Variants in YAF2 observed in about 807,000 individuals in gnomAD.
YAF2 encodes YY1 associated factor 2.
YAF2 carries 7 observed loss-of-function variants against 20.1 expected under a neutral mutation model. The ratio of observed to expected loss-of-function variants is 0.35; its 90% CI spans 0.20 to 0.65. The LOEUF (loss-of-function observed/expected upper bound fraction) is 0.65, where lower values mean the gene tolerates loss of function less well. Ranked by LOEUF, YAF2 falls within the 30% of genes least tolerant of loss-of-function variation. YAF2 has a pLI of 0.69. For synonymous variants in YAF2, 74 were observed against 76.0 expected, an observed-to-expected ratio of 0.97 and a Z score of 0.14; for missense variants, 151 against 219.2, an observed-to-expected ratio of 0.69 and a Z score of 1.96.
At chr12:42,204,412 T>G (rs1275067172) in intron 2 of YAF2, among the ~76,000 whole-genome samples, 9 of 152,220 alleles carry the variant, frequency 5.9e-5, no homozygotes, top group Non-Finnish European at 1.3e-4. Flanking sequence ...GTACAGACTT[T>G]TTTCCCTTGT....
chr12:42,228,213 C>T (rs1359463884), intron 2 of YAF2, among the ~76,000 whole-genome samples: 46 of 89,922 alleles, frequency 5.1e-4, no homozygotes, highest in African/African-American at 6.6e-4. Context: ...GTCGGCCCCC[C>T]GCCCGGCCAG....
chr12:42,210,516 T>TTA (rs879854002), intron 2 of YAF2: 20 of 1,535,906 alleles, frequency 1.3e-5, no homozygotes, highest in Non-Finnish European at 1.7e-5. Context: ...ATTTGGGAGA[T>TTA]GCTAGAGACA....
At chr12:42,199,145 CA>C (rs752364452) in intron 2 of YAF2, 1 of 1,287,956 alleles carries the variant, frequency 7.8e-7, no homozygotes, top group Non-Finnish European at 1.0e-6. Context: ...CCAGACTGTC[CA>C]AAAAAGAGAA....
At chr12:42,201,064 T>C (rs1044853527) in intron 2 of YAF2, among the ~76,000 whole-genome samples, 2 of 152,232 alleles carry the variant, frequency 1.3e-5, no homozygotes, top group Non-Finnish European at 2.9e-5. Flanking sequence ...AAATAAATAC[T>C]AATTAATGAT....
intron 2 of YAF2, among the ~76,000 whole-genome samples, chr12:42,212,806 G>T (rs2067249522): frequency 6.6e-6 from 1 of 152,158 alleles, no homozygotes; most frequent in South Asian, 2.1e-4. Context: ...TTTGAGTTAA[G>T]TATAACAGTA....
At chr12:42,174,930 T>C (rs1308718275) in intron 2 of YAF2, among the ~76,000 whole-genome samples, 2 of 152,226 alleles carry the variant, frequency 1.3e-5, no homozygotes, top group Non-Finnish European at 2.9e-5. Flanking sequence ...ATCTTTTCTA[T>C]GCATCAAAGT....
intron 3 of YAF2, 173 bp from the exon 4 acceptor site, chr12:42,160,999 C>G: frequency 1.7e-6 from 1 of 591,108 alleles, no homozygotes; most frequent in Non-Finnish European, 2.9e-6. Flanking sequence ...TAACATTAAT[C>G]AAACCAATCA....
chr12:42,196,227 G>GAAAAAAAAAAAAAAAAAAAAAAAAA (rs34267272), intron 2 of YAF2, among the ~76,000 whole-genome samples: 1 of 74,510 alleles, frequency 1.3e-5, no homozygotes, highest in Non-Finnish European at 2.5e-5. Context: ...AATCCATCTG[G>GAAAAAAAAAAAAAAAAAAAAAAAAA]AAAAAAAAAA....
chr12:42,188,101 C>T (rs965582985), intron 2 of YAF2, among the ~76,000 whole-genome samples: 1 of 151,992 alleles, frequency 6.6e-6, no homozygotes, highest in Non-Finnish European at 1.5e-5. Flanking sequence ...CTCACAGGAA[C>T]TATGAGAAAA....
At chr12:42,196,226 G>C in intron 2 of YAF2, among the ~76,000 whole-genome samples, 1 of 82,802 alleles carries the variant, frequency 1.2e-5, no homozygotes. Context: ...GAATCCATCT[G>C]GAAAAAAAAA....
At chr12:42,231,976 T>C (rs2067996528) in intron 2 of YAF2, 1 of 152,218 alleles carries the variant, frequency 6.6e-6, no homozygotes, top group Non-Finnish European at 1.5e-5. Context: ...AATGATGCTC[T>C]ATGACAAAAA....
intron 2 of YAF2, chr12:42,235,292 G>C: frequency 1.0e-6 from 1 of 998,906 alleles, no homozygotes; most frequent in Non-Finnish European, 1.2e-6. Context: ...GTCAATTATG[G>C]AGAATTATTT....
intron 2 of YAF2, among the ~76,000 whole-genome samples, chr12:42,164,007 C>A (rs984212291): frequency 2.0e-5 from 3 of 152,120 alleles, no homozygotes; most frequent in African/African-American, 7.2e-5. Context: ...ATAAAATATA[C>A]CCTTTTATGT....
intron 2 of YAF2, among the ~76,000 whole-genome samples, chr12:42,211,894 C>T (rs971173448): frequency 6.6e-6 from 1 of 151,838 alleles, no homozygotes; most frequent in Non-Finnish European, 1.5e-5. Flanking sequence ...ACTAAAAATA[C>T]AAAAATTAGC....
chr12:42,237,697 C>T lies in YAF2; in HGVS notation c.54G>A (p.Ser18=), dbSNP rs761836237. 1.9e-6 allele frequency: 3 copies of T among 1,569,018 alleles called. No individual in the cohort carries two copies. Among genetic ancestry groups the T allele is most frequent in the South Asian group, 1.2e-5 (1 of 86,000 alleles). ...TRPKRQPKPS[S]DEGYWDCSVC... Reference sequence around the variant, plus strand: ...CGCTACAGTCCCAGTAACCCTCATCCGAGGACGGCTTCGGCTGCCGCTTCG... The same window carrying T: ...CGCTACAGTCCCAGTAACCCTCATCTGAGGACGGCTTCGGCTGCCGCTTCG... The change falls in exon 2 of 4, where the codon TCG becomes TCA. Residue 18 remains serine (S), a synonymous_variant. Coordinates refer to ENST00000534854, the MANE Select transcript of YAF2 (RefSeq NM_005748.6).
chr12:42,237,327 C>A (rs2068198254), intron 2 of YAF2: 2 of 963,100 alleles, frequency 2.1e-6, no homozygotes, highest in African/African-American at 3.5e-5. Context: ...TTACACCCAG[C>A]GATACGAATT....
At chr12:42,202,458 C>T (rs1257891765) in intron 2 of YAF2, among the ~76,000 whole-genome samples, 1 of 152,158 alleles carries the variant, frequency 6.6e-6, no homozygotes, top group East Asian at 1.9e-4. Context: ...ATTCTCATCT[C>T]TATCACTATA....
At chr12:42,212,213 A>G (rs1398052276) in intron 2 of YAF2, among the ~76,000 whole-genome samples, 1 of 152,194 alleles carries the variant, frequency 6.6e-6, no homozygotes, top group African/African-American at 2.4e-5. Flanking sequence ...CACTGAAATA[A>G]AAACTATTTC....
chr12:42,235,439 CCA>C, intron 2 of YAF2: 1 of 1,140,954 alleles, frequency 8.8e-7, no homozygotes, highest in Non-Finnish European at 1.1e-6. Context: ...ATACCCTGTT[CCA>C]CACTGTTCTA....
Sources: allele counts gnomAD v4.1 joint callset (sites outside exome capture counted in the v4.1 genomes callset), GRCh38; gene constraint gnomAD v4.1.1; transcripts MANE v1.5; gene names NCBI Gene and HGNC (gene_info 2026-07-23, HGNC 2026-07-21).